Variants in NR3C2 observed in about 807,000 individuals in gnomAD.
NR3C2 encodes mineralocorticoid receptor.
NR3C2 carries 15 observed loss-of-function variants against 86.4 expected under a neutral mutation model. That is an observed-to-expected ratio of 0.17 (90% CI 0.12 to 0.27). The LOEUF (loss-of-function observed/expected upper bound fraction) is 0.27, where lower values mean the gene tolerates loss of function less well. NR3C2 is among the 10% of genes least tolerant of loss of function. The pLI is 1.00. For missense variants in NR3C2, 960 were observed against 1,195.6 expected, an observed-to-expected ratio of 0.80 and a Z score of 2.91; for synonymous variants, 458 against 450.5, an observed-to-expected ratio of 1.02 and a Z score of -0.21.
At position 148,172,657 on chromosome 4, in the gene NR3C2, G is replaced by GT. The variant is rs1269013391; in HGVS notation, c.2015-17757dup. Among the ~76,000 whole-genome samples, 12 of 152,044 alleles carry GT rather than the reference G, an allele frequency of 7.9e-5. No homozygotes were observed. In the East Asian group the frequency reaches 2.3e-3, roughly 29 times the overall value. ...CCAAACAGGCAAGGTTTAATGGCAT[G>GT]TTTGTTTATTCATTCATTCATTCAA... is the stretch of plus-strand genomic sequence containing the variant. On this transcript the variant is annotated intron_variant, in intron 4 of 8. Transcript: ENST00000358102.
chr4:148,404,281 T>C (rs963585800), intron 2 of NR3C2, among the ~76,000 whole-genome samples: 3 of 152,114 alleles, frequency 2.0e-5, no homozygotes, highest in Admixed American at 6.5e-5. Context: ...TATTAGATAA[T>C]ATTTTTTGTT....
intron 2 of NR3C2, among the ~76,000 whole-genome samples, chr4:148,261,288 ATGGTAAGTG>A (rs1443762791): frequency 6.9e-5 from 8 of 115,656 alleles, no homozygotes; most frequent in Admixed American, 1.9e-4. Context: ...GGTAAGCGCT[ATGGTAAGTG>A]CTATGGTGCG....
At chr4:148,330,553 C>T (rs72656818) in intron 2 of NR3C2, among the ~76,000 whole-genome samples, 47 of 152,260 alleles carry the variant, frequency 3.1e-4, no homozygotes, top group Non-Finnish European at 6.2e-4. Flanking sequence ...TTTTCTTTCA[C>T]TGATTTTAAT....
At chr4:148,235,157 AAACACTTAT>A (rs1310175660) in intron 3 of NR3C2, among the ~76,000 whole-genome samples, 2 of 151,946 alleles carry the variant, frequency 1.3e-5, no homozygotes, top group African/African-American at 4.8e-5. Context: ...AGTGCATTGT[AAACACTTAT>A]AAAAACAACT....
At chr4:148,407,566 C>G (rs1215010003) in intron 2 of NR3C2, among the ~76,000 whole-genome samples, 3 of 152,120 alleles carry the variant, frequency 2.0e-5, no homozygotes, top group African/African-American at 7.2e-5. Flanking sequence ...ACCACTGAGA[C>G]AGGATTTCAG....
At chr4:148,443,270 A>T (rs576880107), upstream of NR3C2, among the ~76,000 whole-genome samples, 567 of 149,358 alleles carry the variant, frequency 3.8e-3, 2 homozygotes, top group Middle Eastern at 0.017. Flanking sequence ...AGAGAGAAAG[A>T]TAAATGAAAG....
At chr4:148,439,132 G>A (rs1017174749) in intron 1 of NR3C2, among the ~76,000 whole-genome samples, 2 of 152,100 alleles carry the variant, frequency 1.3e-5, no homozygotes, top group Admixed American at 6.6e-5. Flanking sequence ...CAGTGAATTG[G>A]GATCCAAATA....
At chr4:148,136,056 CAAAA>C (rs199716496) in intron 6 of NR3C2, among the ~76,000 whole-genome samples, 1,450 of 71,182 alleles carry the variant, frequency 0.02, 54 homozygotes, top group African/African-American at 0.09. Flanking sequence ...GACTCCGTCT[CAAAA>C]AAAAAAAAAA....
chr4:148,155,640 T>C (rs919603176), intron 4 of NR3C2, among the ~76,000 whole-genome samples: 2 of 151,992 alleles, frequency 1.3e-5, no homozygotes, highest in African/African-American at 4.8e-5. Flanking sequence ...GAACATTCCA[T>C]GCTCATGGGT....
chr4:148,356,685 G>C (rs1561061003), intron 2 of NR3C2, among the ~76,000 whole-genome samples: 1 of 152,160 alleles, frequency 6.6e-6, no homozygotes, highest in Non-Finnish European at 1.5e-5. Flanking sequence ...CCCAAGGGCG[G>C]ACTAATTTAC....
intron 6 of NR3C2, among the ~76,000 whole-genome samples, chr4:148,128,896 G>A (rs943257635): frequency 2.0e-5 from 3 of 152,172 alleles, no homozygotes; most frequent in African/African-American, 4.8e-5. Flanking sequence ...CAGAAAAACT[G>A]CATCTTTGCA....
intron 3 of NR3C2, among the ~76,000 whole-genome samples, chr4:148,225,454 C>T (rs913291934): frequency 6.6e-6 from 1 of 151,982 alleles, no homozygotes; most frequent in African/African-American, 2.4e-5. Flanking sequence ...CATAAATTCC[C>T]TCATCTTTAG....
At chr4:148,300,175 C>G (rs1055472031) in intron 2 of NR3C2, among the ~76,000 whole-genome samples, 3 of 152,236 alleles carry the variant, frequency 2.0e-5, no homozygotes, top group African/African-American at 4.8e-5. Context: ...GACCTGTAAC[C>G]ACATGGCAAT....
rs72658653 is a variant in NR3C2 at position 148,418,771 on chromosome 4, T to C, written c.1757+16333A>G. ...TAGCTCAGAAAATTTCCCAATAGCA[T>C]AGGAGGAAGGACTGTTAGTGTCACT... On this transcript the variant is annotated intron_variant, in intron 2 of 8. Coordinates refer to ENST00000358102, the MANE Select transcript of NR3C2 (RefSeq NM_000901.5). 8.2e-4 allele frequency among the ~76,000 whole-genome samples: 125 copies of C among 152,294 alleles called. 1 individual carries two copies. The highest frequency in any genetic ancestry group is 2.8e-3 in the African/African-American group (117 of 41,578).
intron 3 of NR3C2, among the ~76,000 whole-genome samples, chr4:148,197,642 TA>T (rs200319323): frequency 2.0e-5 from 3 of 151,536 alleles, no homozygotes; most frequent in Non-Finnish European, 2.9e-5. Context: ...AAAAGGATTT[TA>T]AAAAAAAATA....
intron 6 of NR3C2, among the ~76,000 whole-genome samples, chr4:148,130,510 G>A (rs1160450577): frequency 1.3e-5 from 2 of 152,172 alleles, no homozygotes; most frequent in African/African-American, 4.8e-5. Context: ...CCTGGATTAA[G>A]CTCTACATAG....
chr4:148,424,243 A>C, intron 2 of NR3C2, among the ~76,000 whole-genome samples: 1 of 152,170 alleles, frequency 6.6e-6, no homozygotes, highest in East Asian at 1.9e-4. Flanking sequence ...CCACAATGAG[A>C]TATCCCTACA....
intron 6 of NR3C2, among the ~76,000 whole-genome samples, chr4:148,134,247 C>T (rs1025943398): frequency 3.3e-5 from 5 of 152,120 alleles, no homozygotes; most frequent in African/African-American, 4.8e-5. Context: ...CATTCATTAC[C>T]GGGTGAAATA....
Position 148,080,974 on chromosome 4 carries a change from G to C in NR3C2, c.*370C>G, listed in dbSNP as rs1730525827. On this transcript the variant is annotated 3_prime_UTR_variant, in exon 9 of 9. Coordinates refer to ENST00000358102, the MANE Select transcript of NR3C2 (RefSeq NM_000901.5). The stretch of plus-strand genomic sequence containing the variant: ...AGGGTAAGCTTTAAAACGTTCGTTA[G>C]TCCTTGAACCCTTTTAAAACAAGCG... The C allele has an allele frequency of 5.9e-6, 2 of 340,746 alleles. No homozygotes were observed. The highest frequency in any genetic ancestry group is 1.5e-4 in the East Asian group (2 of 13,586). 21.1% of individuals were successfully genotyped at this position (340,746 alleles called of 1,614,324 possible). A position where few individuals can be genotyped will look rare whatever the true frequency, so the allele number is the denominator to read the frequency against.
Sources: gnomAD v4.1 joint callset for allele counts (sites outside exome capture counted in the v4.1 genomes callset) on GRCh38, gnomAD v4.1.1 for gene constraint, MANE v1.5 for transcripts, NCBI Gene and HGNC (gene_info 2026-07-23, HGNC 2026-07-21) for gene names.